Variants in NKAIN2 observed in about 807,000 individuals in gnomAD.
The protein encoded by NKAIN2 is sodium/potassium transporting ATPase interacting 2, also known as sodium/potassium-transporting ATPase subunit beta-1-interacting protein 2.
NKAIN2 carries 14 observed loss-of-function variants against 32.6 expected under a neutral mutation model. The ratio of observed to expected loss-of-function variants is 0.43; its 90% confidence interval spans 0.28 to 0.67. The LOEUF is 0.67. Ranked by LOEUF, NKAIN2 falls within the 30% of genes least tolerant of loss-of-function variation. The pLI, the probability that NKAIN2 is intolerant of heterozygous loss-of-function variation, is 0.17. For missense variants in NKAIN2, 198 were observed against 258.3 expected (o/e 0.77, Z 1.60); for synonymous variants, 80 against 87.2 (o/e 0.92, Z 0.46).
At chr6:124,475,625 A>G (rs1018499469) in intron 3 of NKAIN2, among the ~76,000 whole-genome samples, 29 of 152,200 alleles carry the variant, frequency 1.9e-4, no homozygotes, top group African/African-American at 6.3e-4. Flanking sequence ...GATGGGCCAC[A>G]TGCACAGCTC....
chr6:124,610,707 T>C (rs117299913), intron 3 of NKAIN2, among the ~76,000 whole-genome samples: 3,054 of 152,304 alleles, frequency 0.02, 40 homozygotes, highest in Non-Finnish European at 0.032. Flanking sequence ...GGATTCATGT[T>C]AGAAGAGGAA....
intron 3 of NKAIN2, among the ~76,000 whole-genome samples, chr6:124,384,772 C>A (rs1772816865): frequency 6.6e-6 from 1 of 152,112 alleles, no homozygotes; most frequent in South Asian, 2.1e-4. Context: ...GGACCACAGG[C>A]ATGTGTAAAC....
At chr6:124,008,174 G>A (rs1304306487) in intron 1 of NKAIN2, among the ~76,000 whole-genome samples, 3 of 152,092 alleles carry the variant, frequency 2.0e-5, no homozygotes, top group Admixed American at 6.5e-5. Context: ...CTCCGATCGC[G>A]CTGCTTTGGT....
At chr6:124,560,474 G>A (rs867407497) in intron 3 of NKAIN2, among the ~76,000 whole-genome samples, 3 of 152,312 alleles carry the variant, frequency 2.0e-5, no homozygotes, top group South Asian at 4.1e-4. Context: ...ACTAATACAA[G>A]CATCATAATT....
intron 1 of NKAIN2, among the ~76,000 whole-genome samples, chr6:124,185,146 G>A (rs1311210324): frequency 6.6e-6 from 1 of 152,060 alleles, no homozygotes; most frequent in African/African-American, 2.4e-5. Context: ...GAAAGTCATA[G>A]CAATTCTACT....
chr6:124,739,772 C>T (rs779098648), intron 4 of NKAIN2, among the ~76,000 whole-genome samples: 1 of 151,922 alleles, frequency 6.6e-6, no homozygotes, highest in Non-Finnish European at 1.5e-5. Context: ...AGCAGAAATA[C>T]AACACACTTC....
At chr6:124,415,895 T>TTTTTTTTTG (rs71021491) in intron 3 of NKAIN2, among the ~76,000 whole-genome samples, 1 of 140,120 alleles carries the variant, frequency 7.1e-6, no homozygotes, top group Non-Finnish European at 1.5e-5. Context: ...TTTTTTTTTT[T>TTTTTTTTTG]GCTAATTTCT....
At chr6:124,584,655 G>GAA (rs34014858) in intron 3 of NKAIN2, among the ~76,000 whole-genome samples, 888 of 87,166 alleles carry the variant, frequency 0.01, 9 homozygotes, top group East Asian at 0.02. Flanking sequence ...CTCCATCTCA[G>GAA]AAAAAAAAAA....
At chr6:124,092,855 C>G (rs1004949247) in intron 1 of NKAIN2, among the ~76,000 whole-genome samples, 6 of 152,084 alleles carry the variant, frequency 3.9e-5, no homozygotes, top group Admixed American at 3.9e-4. Context: ...AGATATAAAA[C>G]TATTAACCAT....
At chr6:124,577,409 A>C (rs1177162987) in intron 3 of NKAIN2, among the ~76,000 whole-genome samples, 2 of 152,074 alleles carry the variant, frequency 1.3e-5, no homozygotes, top group Non-Finnish European at 2.9e-5. Context: ...GACAGAAGGC[A>C]CAGTGATTGT....
intron 1 of NKAIN2, among the ~76,000 whole-genome samples, chr6:123,903,815 T>C (rs773066208): frequency 3.3e-5 from 5 of 152,228 alleles, no homozygotes; most frequent in African/African-American, 4.8e-5. Flanking sequence ...CCTGATTTAG[T>C]TACACTATCG....
At chr6:124,331,361 A>G (rs1202407713) in intron 2 of NKAIN2, among the ~76,000 whole-genome samples, 1 of 137,624 alleles carries the variant, frequency 7.3e-6, no homozygotes, top group African/African-American at 2.9e-5. Context: ...AAAAAAAAAA[A>G]AAAAAAAAAA....
intron 3 of NKAIN2, among the ~76,000 whole-genome samples, chr6:124,356,107 T>C (rs994133708): frequency 2.0e-5 from 3 of 152,236 alleles, no homozygotes; most frequent in African/African-American, 7.2e-5. Context: ...ATAAAAATTG[T>C]AAAATGTTCT....
chr6:124,783,534 A>G (rs1583858156), intron 4 of NKAIN2, among the ~76,000 whole-genome samples: 1 of 152,252 alleles, frequency 6.6e-6, no homozygotes, highest in East Asian at 1.9e-4. Context: ...CCTGGAGGCA[A>G]TCCTCCATGT....
At chr6:124,211,538 G>A (rs954538199) in intron 1 of NKAIN2, among the ~76,000 whole-genome samples, 4 of 151,914 alleles carry the variant, frequency 2.6e-5, no homozygotes, top group Non-Finnish European at 5.9e-5. Context: ...GTAATTAAAT[G>A]TAAATGTTTG....
intron 1 of NKAIN2, among the ~76,000 whole-genome samples, chr6:124,138,148 A>G (rs61379118): frequency 1.6e-4 from 25 of 152,278 alleles, no homozygotes; most frequent in African/African-American, 4.8e-4. Flanking sequence ...ACTCAAACAA[A>G]TAACCTTATC....
intron 2 of NKAIN2, among the ~76,000 whole-genome samples, chr6:124,294,327 A>G (rs999036179): frequency 6.6e-6 from 1 of 152,156 alleles, no homozygotes; most frequent in African/African-American, 2.4e-5. Context: ...TAAGAGCAGC[A>G]TTGATCCCTC....
At chr6:124,230,962 T>C (rs1452027839) in intron 1 of NKAIN2, among the ~76,000 whole-genome samples, 1 of 152,182 alleles carries the variant, frequency 6.6e-6, no homozygotes, top group Admixed American at 6.5e-5. Context: ...GTAGATCCAC[T>C]GGCAGCTTGC....
chr6:124,029,058 G>C (rs932452674), intron 1 of NKAIN2, among the ~76,000 whole-genome samples: 1 of 150,896 alleles, frequency 6.6e-6, no homozygotes, highest in Admixed American at 6.6e-5. Flanking sequence ...TTTTTTTATA[G>C]TTTGATACTG....
Sources: allele counts gnomAD v4.1 joint callset (sites outside exome capture counted in the v4.1 genomes callset), GRCh38; gene constraint gnomAD v4.1.1; transcripts MANE v1.5; gene names NCBI Gene and HGNC (gene_info 2026-07-23, HGNC 2026-07-21).